Variants in ADRA1A observed in about 807,000 individuals in gnomAD.
ADRA1A encodes the protein adrenoceptor alpha 1A, also known as alpha-1A adrenergic receptor.
In ADRA1A, 31 loss-of-function variants were observed where a neutral mutation model predicts 29.6. The ratio of observed to expected loss-of-function variants is 1.05; its 90% CI spans 0.79 to 1.41. The LOEUF (loss-of-function observed/expected upper bound fraction) is 1.41. Among genes scored for constraint, ADRA1A ranks in the 40% most tolerant of loss-of-function variants. ADRA1A has a pLI of 0.00. For synonymous variants in ADRA1A, 311 were observed against 254.3 expected (o/e 1.22, Z -2.12); for missense variants, 619 against 601.1 (o/e 1.03, Z -0.31).
intron 2 of ADRA1A, among the ~76,000 whole-genome samples, chr8:26,813,104 G>A (rs1209796229): frequency 6.6e-6 from 1 of 152,092 alleles, no homozygotes; most frequent in Non-Finnish European, 1.5e-5. Context: ...CTAAGGGACA[G>A]GTAATAAAAG....
intron 2 of ADRA1A, chr8:26,757,238 C>A (rs1805223290): frequency 1.5e-6 from 1 of 679,224 alleles, no homozygotes; most frequent in Admixed American, 2.1e-5. Context: ...TCACGAGAGA[C>A]CATTTGGCAG....
chr8:26,778,540 A>G (rs1479954827), intron 2 of ADRA1A, among the ~76,000 whole-genome samples: 1 of 152,154 alleles, frequency 6.6e-6, no homozygotes, highest in Non-Finnish European at 1.5e-5. Flanking sequence ...TATAATAACC[A>G]AACCAAATGT....
Position 26,768,889 on chromosome 8 carries a change from G to A in ADRA1A, c.*1260C>T. The A allele has an allele frequency of 1.0e-6, 1 of 985,416 alleles. No homozygotes were observed. Among genetic ancestry groups the A allele is most frequent in the African/African-American group, 1.7e-5 (1 of 57,346 alleles). The allele number at this position is 985,416 out of a possible 1,614,324, so 61.0% of individuals were successfully genotyped here. On this transcript the variant is annotated 3_prime_UTR_variant, in exon 3 of 3. Transcript: ENST00000380573. ...ATGTTCCCCAAGCTCTTGCAGAAAA[G>A]TAGGAATAGATGAAGTTGAGTTGAC... is the stretch of plus-strand genomic sequence containing the variant.
intron 2 of ADRA1A, among the ~76,000 whole-genome samples, chr8:26,750,296 G>T (rs764326416): frequency 7.2e-5 from 11 of 151,972 alleles, no homozygotes; most frequent in Non-Finnish European, 1.5e-4. Flanking sequence ...CTGCTTCCTG[G>T]GTTCAAGCCA....
At position 26,848,451 on chromosome 8, in the gene ADRA1A, C is replaced by T. The variant is rs1812376820; in HGVS notation, c.883+15636G>A. Among the ~76,000 whole-genome samples, 1 of 152,184 alleles carries T rather than the reference C, an allele frequency of 6.6e-6. No homozygotes were observed. Among genetic ancestry groups the T allele is most frequent in the African/African-American group, 2.4e-5 (1 of 41,442 alleles). ...AGAGGAAGGTACCAGAGAGCTCTCT[C>T]TCTCTCTCTCTTCATCAGGTGAGAA... On this transcript the variant is annotated intron_variant, in intron 2 of 2. Transcript: ENST00000380573. This position sits in a 1 kb window ranked among gnomAD's most constrained non-coding sequence, Gnocchi z 4.3.
At chr8:26,847,358 G>T (rs10093667) in intron 2 of ADRA1A, among the ~76,000 whole-genome samples, 18,576 of 152,142 alleles carry the variant, frequency 0.12, 1,311 homozygotes, top group Non-Finnish European at 0.14. Context: ...CTACTAATGT[G>T]ACCTCTTTAG....
At chr8:26,827,873 A>G (rs1387822853) in intron 2 of ADRA1A, among the ~76,000 whole-genome samples, 1 of 151,976 alleles carries the variant, frequency 6.6e-6, no homozygotes, top group Non-Finnish European at 1.5e-5. Context: ...CTGTCTTCTT[A>G]CTTGTTTTTA....
At chr8:26,824,342 C>T (rs1042504250) in intron 2 of ADRA1A, among the ~76,000 whole-genome samples, 2 of 152,010 alleles carry the variant, frequency 1.3e-5, no homozygotes, top group African/African-American at 4.8e-5. Context: ...TTAAGGCCAA[C>T]TAGAGTCTCC....
At chr8:26,778,095 G>C (rs542484288) in intron 2 of ADRA1A, among the ~76,000 whole-genome samples, 1 of 152,308 alleles carries the variant, frequency 6.6e-6, no homozygotes, top group South Asian at 2.1e-4. Context: ...GGATGAGTCT[G>C]AGCTGCTGGA....
Position 26,860,307 on chromosome 8 carries a change from C to T in ADRA1A, c.883+3780G>A, listed in dbSNP as rs375874008. Among the ~76,000 whole-genome samples, 2 of 152,142 alleles carry T rather than the reference C, an allele frequency of 1.3e-5. No individual in the cohort carries two copies. Among genetic ancestry groups the T allele is most frequent in the Admixed American group, 6.5e-5 (1 of 15,280 alleles). On this transcript the variant is annotated intron_variant, in intron 2 of 2. Transcript: ENST00000380573. The surrounding 1 kb of genome is among the most constrained non-coding windows in gnomAD (Gnocchi z 4.7). ...AGCTCCAAACTCTCAGGCCACCCAT[C>T]GTCACCTGGGCTCCTTCTACAACCT...
At chr8:26,818,165 G>C (rs959607512) in intron 2 of ADRA1A, among the ~76,000 whole-genome samples, 2 of 152,202 alleles carry the variant, frequency 1.3e-5, no homozygotes, top group Non-Finnish European at 2.9e-5. Flanking sequence ...TGCCAAGGAT[G>C]GGGGTGGACA....
chr8:26,833,746 T>G (rs1811152192), intron 2 of ADRA1A, among the ~76,000 whole-genome samples: 1 of 152,248 alleles, frequency 6.6e-6, no homozygotes, highest in African/African-American at 2.4e-5. Context: ...CTGAATGAGA[T>G]TTTGTTTCTA....
rs1279432417 is a variant in ADRA1A, at chr8:26,864,690, A to G, written c.280T>C (p.Phe94Leu). ...CAGATGTTGCAGAAGACCCTGCCGA[A>G]GGCCCAGTAGCCTAGGACCTCGAAG... ...AIFEVLGYWAFGRVFCNIWAA... is the reference protein window; with the variant it reads ...AIFEVLGYWALGRVFCNIWAA... The change falls in exon 2 of 3, where the codon TTC becomes CTC. Residue 94 changes from phenylalanine to leucine, a missense_variant. Transcript: ENST00000380573. The surrounding 1 kb of genome is among the most constrained non-coding windows in gnomAD (Gnocchi z 8.1). The G allele has an allele frequency of 3.1e-6, 5 of 1,614,172 alleles. No homozygotes were observed. The highest frequency in any genetic ancestry group is 4.2e-6 in the Non-Finnish European group (5 of 1,180,036).
At chr8:26,847,139 C>T (rs1396556084) in intron 2 of ADRA1A, among the ~76,000 whole-genome samples, 1 of 152,008 alleles carries the variant, frequency 6.6e-6, no homozygotes, top group African/African-American at 2.4e-5. Context: ...TTAGTGGGTA[C>T]AGCGCACCAG....
chr8:26,859,026 A>T, intron 2 of ADRA1A: 1 of 1,231,664 alleles, frequency 8.1e-7, no homozygotes, highest in Non-Finnish European at 1.0e-6. Context: ...CAAATAGCCT[A>T]CTCACCTGAT....
rs1813668403 is a variant in ADRA1A, at chr8:26,864,016, A to G, written c.883+71T>C. 1.4e-6 allele frequency: 2 copies of G among 1,474,074 alleles called. No homozygotes were observed. Among genetic ancestry groups the G allele is most frequent in the Admixed American group, 4.2e-5 (2 of 47,856 alleles). The allele number at this position is 1,474,074 out of a possible 1,614,324, so 91.3% of individuals were successfully genotyped here. A position where few individuals can be genotyped will look rare whatever the true frequency, so the allele number is the denominator to read the frequency against. Reference sequence around the variant, plus strand: ...CCTTCCTCTTCCATCCCGGACTGGGAGTCTGGGGTAACAGAAGCCGAGGAG... The same window carrying G: ...CCTTCCTCTTCCATCCCGGACTGGGGGTCTGGGGTAACAGAAGCCGAGGAG... On this transcript the variant is annotated intron_variant, in intron 2 of 2. Coordinates refer to ENST00000380573, the MANE Select transcript of ADRA1A (RefSeq NM_000680.4). The surrounding 1 kb of genome is among the most constrained non-coding windows in gnomAD (Gnocchi z 8.1).
downstream of ADRA1A, among the ~76,000 whole-genome samples, chr8:26,761,406 G>A (rs1585632304): frequency 6.6e-6 from 1 of 152,360 alleles, no homozygotes; most frequent in Non-Finnish European, 1.5e-5. Flanking sequence ...GAAGTCCCCA[G>A]GACCTCAGAA....
rs181245277 is a variant in ADRA1A at position 26,776,814 on chromosome 8, A to G, written c.884-6148T>C. Among the ~76,000 whole-genome samples the G allele has an allele frequency of 5.3e-5, 8 of 152,372 alleles. No homozygotes were observed. The East Asian group carries it at 9.6e-4, about 18-fold the overall frequency. On this transcript the variant is annotated intron_variant, in intron 2 of 2. Transcript: ENST00000380573. ...GAGAAATGAAGTTTGAATGATCTCA[A>G]TTTAAAAAAATGTGGACTCCAAAGA...
Position 26,787,910 on chromosome 8 carries a change from ATT to A in ADRA1A, c.884-17246_884-17245del, listed in dbSNP as rs5890324. Reference sequence around the variant, plus strand: ...CTCAGTCATTAGTGCTATCTTGTCTATTTTTTTTTTTTTAACATTTGGGGATA... The same window carrying A: ...CTCAGTCATTAGTGCTATCTTGTCTATTTTTTTTTTTAACATTTGGGGATA... On this transcript the variant is annotated intron_variant, in intron 2 of 2. Coordinates refer to ENST00000380573, the MANE Select transcript of ADRA1A (RefSeq NM_000680.4). The surrounding 1 kb of genome is among the most constrained non-coding windows in gnomAD (Gnocchi z 4.2). 1.7e-3 allele frequency among the ~76,000 whole-genome samples: 250 copies of A among 147,058 alleles called. No individual in the cohort carries two copies. Among genetic ancestry groups the A allele is most frequent in the South Asian group, 3.7e-3 (17 of 4,612 alleles).
Sources: gnomAD v4.1 joint callset for allele counts (sites outside exome capture counted in the v4.1 genomes callset) on GRCh38, gnomAD v4.1.1 for gene constraint, Gnocchi (gnomAD v3.1) non-coding constraint, MANE v1.5 for transcripts, NCBI Gene and HGNC (gene_info 2026-07-23, HGNC 2026-07-21) for gene names.